ZCCHC2: variants seen among roughly 807,000 people sequenced by gnomAD.
The protein encoded by ZCCHC2 is zinc finger CCHC-type containing 2, also known as zinc finger CCHC domain-containing protein 2.
In ZCCHC2, 39 loss-of-function variants were observed where a neutral mutation model predicts 103.6. The observed-to-expected ratio is 0.38, with a 90% CI of 0.29 to 0.49. The LOEUF (loss-of-function observed/expected upper bound fraction) is 0.49, where lower values mean the gene tolerates loss of function less well. Among genes scored for constraint, ZCCHC2 ranks in the 20% least tolerant of loss-of-function variants. ZCCHC2 has a pLI of 0.96. For synonymous variants in ZCCHC2, 687 were observed against 608.9 expected (o/e 1.13, Z -1.89); for missense variants, 1,483 against 1,491.0 (o/e 0.99, Z 0.09).
Position 62,564,566 on chromosome 18 carries a change from A to C in ZCCHC2, c.1687-5A>C. The C allele has an allele frequency of 6.5e-7, 1 of 1,532,456 alleles. No homozygotes were observed. Among genetic ancestry groups the C allele is most frequent in the Non-Finnish European group, 8.8e-7 (1 of 1,136,424 alleles). The allele number at this position is 1,532,456 out of a possible 1,614,324, so 94.9% of individuals were successfully genotyped here. The stretch of plus-strand genomic sequence containing the variant: ...TCTGATTTGTCTTTTTATTCTTTCT[A>C]CTAGCATTCTGCTGAAAAACGGAGT... On this transcript the variant is annotated splice_polypyrimidine_tract_variant and splice_region_variant and intron_variant, in intron 9 of 13. Coordinates refer to ENST00000269499, the MANE Select transcript of ZCCHC2 (RefSeq NM_017742.6).
chr18:62,556,650 A>G (rs1568550236), intron 6 of ZCCHC2, among the ~76,000 whole-genome samples: 1 of 151,962 alleles, frequency 6.6e-6, no homozygotes, highest in South Asian at 2.1e-4. Context: ...CCTGTTCCCA[A>G]TTGACCTTTC....
chr18:62,537,904 G>A (rs1191091829), intron 1 of ZCCHC2, among the ~76,000 whole-genome samples: 1 of 152,130 alleles, frequency 6.6e-6, no homozygotes, highest in Admixed American at 6.5e-5. Context: ...CAATGTGTAA[G>A]GGTTCCATTT....
At chr18:62,534,097 T>C (rs1195662331) in intron 1 of ZCCHC2, among the ~76,000 whole-genome samples, 1 of 152,070 alleles carries the variant, frequency 6.6e-6, no homozygotes, top group Non-Finnish European at 1.5e-5. Context: ...GCTTATTTAA[T>C]ATACCTTCCA....
intron 5 of ZCCHC2, among the ~76,000 whole-genome samples, chr18:62,555,901 A>G (rs1040508894): frequency 7.9e-5 from 12 of 152,176 alleles, no homozygotes; most frequent in African/African-American, 2.7e-4. Context: ...AAGGGTGGCT[A>G]TTGGACCACT....
Position 62,523,269 on chromosome 18 carries a change from C to G in ZCCHC2, c.-156C>G, listed in dbSNP as rs1458832862. 3.0e-6 allele frequency: 2 copies of G among 661,242 alleles called. No homozygotes were observed. Among genetic ancestry groups the G allele is most frequent in the Non-Finnish European group, 3.7e-6 (2 of 533,828 alleles). The allele number at this position is 661,242 out of a possible 1,614,324, so 41.0% of individuals were successfully genotyped here. ...CGACCCCGCCGGCCGGCCACCGCCC[C>G]CCTCGCCGGCCGAGACCCGCCCCCG... is the stretch of plus-strand genomic sequence containing the variant. On this transcript the variant is annotated 5_prime_UTR_variant, in exon 1 of 14. Transcript: ENST00000269499.
At chr18:62,541,772 A>G (rs1225013487) in intron 2 of ZCCHC2, among the ~76,000 whole-genome samples, 3 of 152,156 alleles carry the variant, frequency 2.0e-5, no homozygotes, top group African/African-American at 7.2e-5. Flanking sequence ...TGGTACTTTT[A>G]TTAAAGGTGT....
At position 62,523,995 on chromosome 18, in the gene ZCCHC2, C is replaced by G. The variant is rs1383512200; in HGVS notation, c.571C>G (p.Leu191Val). Residue 191 changes from leucine to valine, a missense_variant, in exon 1 of 14, where the codon CTG becomes GTG. Leu to Val is a conservative substitution (Grantham distance 32, BLOSUM62 1). Around this residue, in one of 3 missense-constraint regions of ZCCHC2, gnomAD observed 568 missense variants for 525.1 expected, o/e 1.08. Transcript: ENST00000269499. ...GGAGAACCGGGAGGCCGCTGGCCGT[C>G]TGCACCGCCTGCTACCCCAGGTGGA... is the stretch of plus-strand genomic sequence containing the variant. ...GSENREAAGRLHRLLPQVDSV... is the reference protein window; with the variant it reads ...GSENREAAGRVHRLLPQVDSV... 1 of 1,486,914 alleles carries G rather than the reference C, an allele frequency of 6.7e-7. No individual in the cohort carries two copies. Among genetic ancestry groups the G allele is most frequent in the Non-Finnish European group, 8.9e-7 (1 of 1,125,250 alleles). 92.1% of individuals were successfully genotyped at this position (1,486,914 alleles called of 1,614,324 possible). A position where few individuals can be genotyped will look rare whatever the true frequency, so the allele number is the denominator to read the frequency against.
rs1391213170 is a variant in ZCCHC2 at position 62,556,275 on chromosome 18, A to G, written c.1386A>G (p.Ser462=). ...QKVHSFFQSI[S]SDSLHSINNL... ...TACACAGCTTCTTTCAGTCCATATCATCAGACTCCCTACACAGTATCAGTA... is the reference window on the plus strand; with the variant it reads ...TACACAGCTTCTTTCAGTCCATATCGTCAGACTCCCTACACAGTATCAGTA... The change falls in exon 6 of 14, where the codon TCA becomes TCG. Residue 462 remains serine (S), a synonymous_variant. Transcript: ENST00000269499. 2.1e-5 allele frequency: 33 copies of G among 1,604,442 alleles called. No homozygotes were observed. The highest frequency in any genetic ancestry group is 2.6e-5 in the Non-Finnish European group (30 of 1,175,090).
intron 1 of ZCCHC2, chr18:62,526,296 A>T (rs1289271623): frequency 6.6e-6 from 1 of 152,284 alleles, no homozygotes; most frequent in Non-Finnish European, 1.5e-5. Flanking sequence ...AGGACGTGTC[A>T]AGTGAAGTGG....
rs1312164704 is a variant in ZCCHC2, at chr18:62,577,244, A to G, written c.*665A>G. The G allele has an allele frequency of 6.6e-6, 1 of 152,632 alleles. No homozygotes were observed. The highest frequency in any genetic ancestry group is 1.9e-4 in the East Asian group (1 of 5,204). The allele number at this position is 152,632 out of a possible 1,614,324, so 9.5% of individuals were successfully genotyped here. ...TCCAAATAGAAATGAAAATAAGTGG[A>G]AGAGAGAGGAAGAAGTCAAACCATA... On this transcript the variant is annotated 3_prime_UTR_variant, in exon 14 of 14. Transcript: ENST00000269499.
chr18:62,523,525 C>G lies in ZCCHC2; in HGVS notation c.101C>G (p.Pro34Arg). Residue 34 changes from proline (P) to arginine (R), a missense_variant, in exon 1 of 14, where the codon CCT becomes CGT. Pro to Arg is a moderately radical substitution (Grantham distance 103). Coordinates refer to ENST00000269499, the MANE Select transcript of ZCCHC2 (RefSeq NM_017742.6). Reference sequence around the variant, plus strand: ...GACGCGCGGCCGGGCGCGAAGGCGCCTTCGCGCCGCCGCCGCGACTGCCGC... The same window carrying G: ...GACGCGCGGCCGGGCGCGAAGGCGCGTTCGCGCCGCCGCCGCGACTGCCGC... ...EADARPGAKA[P>R]SRRRRDCRPP... The G allele has an allele frequency of 1.0e-6, 1 of 963,304 alleles. No individual in the cohort carries two copies. 59.7% of individuals were successfully genotyped at this position (963,304 alleles called of 1,614,324 possible).
At position 62,523,737 on chromosome 18, in the gene ZCCHC2, G is replaced by A. The variant is rs982435538; in HGVS notation, c.313G>A (p.Val105Met). 4 of 1,528,732 alleles carry A rather than the reference G, an allele frequency of 2.6e-6. No homozygotes were observed. The highest frequency in any genetic ancestry group is 2.0e-5 in the Admixed American group (1 of 50,578). The allele number at this position is 1,528,732 out of a possible 1,614,324, so 94.7% of individuals were successfully genotyped here. A position where few individuals can be genotyped will look rare whatever the true frequency, so the allele number is the denominator to read the frequency against. The change falls in exon 1 of 14, where the codon GTG becomes ATG. Residue 105 changes from valine (V) to methionine (M), a missense_variant. By Grantham distance (21) the Val-to-Met change is conservative. Transcript: ENST00000269499. The part of the protein sequence containing the change: ...QERVYEWFGL[V>M]LGSAQRLEFM... ...GCGGGTATACGAGTGGTTCGGGCTGGTGCTGGGCTCGGCGCAGCGCCTGGA... is the reference window on the plus strand; with the variant it reads ...GCGGGTATACGAGTGGTTCGGGCTGATGCTGGGCTCGGCGCAGCGCCTGGA...
At chr18:62,535,315 A>C (rs1914874154) in intron 1 of ZCCHC2, among the ~76,000 whole-genome samples, 1 of 152,180 alleles carries the variant, frequency 6.6e-6, no homozygotes, top group Admixed American at 6.5e-5. Flanking sequence ...TCTAGGGTTA[A>C]AAGATGTTTT....
At chr18:62,585,323 G>C (rs1321687644) in exon 15 of ZCCHC2, 2 of 152,220 alleles carry the variant, frequency 1.3e-5, no homozygotes, top group African/African-American at 4.8e-5. Context: ...AGAAAGGAGA[G>C]GTGACTGCTG....
chr18:62,529,955 A>G (rs1346432275), intron 1 of ZCCHC2, among the ~76,000 whole-genome samples: 1 of 152,220 alleles, frequency 6.6e-6, no homozygotes, highest in Admixed American at 6.5e-5. Flanking sequence ...AGCTATTTAC[A>G]TAGCATCTAT....
chr18:62,573,246 G>C (rs772855881), intron 12 of ZCCHC2, among the ~76,000 whole-genome samples: 14 of 152,276 alleles, frequency 9.2e-5, no homozygotes, highest in Admixed American at 5.2e-4. Context: ...CATCAACACA[G>C]TGTCTGGGTC....
chr18:62,539,919 C>T, intron 2 of ZCCHC2, 127 bp downstream of exon 2: 1 of 738,830 alleles, frequency 1.4e-6, no homozygotes, highest in Non-Finnish European at 2.2e-6. Context: ...TGGTCCTAGG[C>T]TTCACTCAAG....
Position 62,523,374 on chromosome 18 carries a change from C to CGGGGGGGGGGG in ZCCHC2, c.-49_-48insGGGGGGGGGGG. The CGGGGGGGGGGG allele has an allele frequency of 7.9e-6, 8 of 1,013,906 alleles. No individual in the cohort carries two copies. The highest frequency in any genetic ancestry group is 1.8e-5 in the African/African-American group (1 of 57,020). The allele number at this position is 1,013,906 out of a possible 1,614,324, so 62.8% of individuals were successfully genotyped here. ...CCGCCTCGGCCCGTGCTCCACCTCG[C>CGGGGGGGGGGG]GGCCCCTCCCGCCCGCCCCCGCTCG... On this transcript the variant is annotated 5_prime_UTR_variant, in exon 1 of 14. Coordinates refer to ENST00000269499, the MANE Select transcript of ZCCHC2 (RefSeq NM_017742.6).
intron 1 of ZCCHC2, among the ~76,000 whole-genome samples, chr18:62,529,159 CAAAAAAA>C (rs67299838): frequency 1.3e-4 from 9 of 67,550 alleles, no homozygotes; most frequent in African/African-American, 2.8e-4. Context: ...GACAACGTCT[CAAAAAAA>C]AAAAAAAAAA....
Sources: allele counts gnomAD v4.1 joint callset (sites outside exome capture counted in the v4.1 genomes callset), GRCh38; gene constraint gnomAD v4.1.1; regional missense constraint gnomAD v4.1.1; transcripts MANE v1.5; gene names NCBI Gene and HGNC (gene_info 2026-07-23, HGNC 2026-07-21).